Variants in NALF1 observed in about 807,000 individuals in gnomAD.
NALF1 encodes NALCN channel auxiliary factor 1.
A neutral mutation model predicts 48.4 loss-of-function variants in NALF1; 3 were observed. That is an observed-to-expected ratio of 0.06 (90% confidence interval 0.03 to 0.16). NALF1 has a LOEUF of 0.16. NALF1 is among the 10% of genes least tolerant of loss of function. The probability of loss-of-function intolerance (pLI) is 1.00; values close to 1 mark genes in which losing one functional copy is unlikely to be tolerated. For synonymous variants in NALF1, 262 were observed against 245.7 expected (o/e 1.07, Z -0.62); for missense variants, 526 against 571.5 (o/e 0.92, Z 0.81).
In NALF1 at chr13:107,515,517, CA is replaced by C. The variant is rs1320947381; in HGVS notation, c.916-304763del. ...CTTAGCTAACCAGAGACCTGCCCCACATTACATAGTTTCATGAGGAATAAAC... is the reference window on the plus strand; with the variant it reads ...CTTAGCTAACCAGAGACCTGCCCCACTTACATAGTTTCATGAGGAATAAAC... On this transcript the variant is annotated intron_variant, in intron 1 of 2. Transcript: ENST00000375915. Among the ~76,000 whole-genome samples, 14 of 152,322 alleles carry C rather than the reference CA, an allele frequency of 9.2e-5. No individual in the cohort carries two copies. The South Asian group carries it at 2.9e-3, about 32-fold the overall frequency.
intron 1 of NALF1, among the ~76,000 whole-genome samples, chr13:107,337,530 A>G (rs1333195739): frequency 2.0e-5 from 3 of 152,136 alleles, no homozygotes; most frequent in African/African-American, 7.2e-5. Flanking sequence ...ATGCTGATAA[A>G]TAAGAAGAGA....
intron 1 of NALF1, among the ~76,000 whole-genome samples, chr13:107,346,824 T>C (rs1021928366): frequency 2.0e-5 from 3 of 152,218 alleles, no homozygotes; most frequent in Non-Finnish European, 4.4e-5. Context: ...ATGAGGACAA[T>C]CTAAATTATT....
chr13:107,503,768 T>C (rs966234398), intron 1 of NALF1, among the ~76,000 whole-genome samples: 1 of 151,132 alleles, frequency 6.6e-6, no homozygotes. Flanking sequence ...TGTGTGTGTG[T>C]GTGTGTGTGT....
chr13:107,590,414 C>G (rs969268187), intron 1 of NALF1, among the ~76,000 whole-genome samples: 3 of 151,928 alleles, frequency 2.0e-5, no homozygotes, highest in African/African-American at 7.2e-5. Flanking sequence ...ATGTGCTCAA[C>G]AAGTTTGTCC....
chr13:107,767,899 A>G (rs1274423106), intron 1 of NALF1, among the ~76,000 whole-genome samples: 1 of 152,182 alleles, frequency 6.6e-6, no homozygotes, highest in African/African-American at 2.4e-5. Flanking sequence ...AGACACAATT[A>G]AAGAGTGGGG....
At chr13:107,370,276 T>C (rs1226930996) in intron 1 of NALF1, among the ~76,000 whole-genome samples, 1 of 152,232 alleles carries the variant, frequency 6.6e-6, no homozygotes, top group Non-Finnish European at 1.5e-5. Context: ...GAATCAGCAC[T>C]AGCTGTGAGG....
At chr13:107,429,154 T>C (rs563077538) in intron 1 of NALF1, among the ~76,000 whole-genome samples, 1 of 151,938 alleles carries the variant, frequency 6.6e-6, no homozygotes, top group South Asian at 2.1e-4. Flanking sequence ...GAAACCCCCC[T>C]CTCTACTGAA....
At chr13:107,678,842 G>T (rs922115139) in intron 1 of NALF1, among the ~76,000 whole-genome samples, 1 of 152,176 alleles carries the variant, frequency 6.6e-6, no homozygotes, top group Non-Finnish European at 1.5e-5. Flanking sequence ...CCATGATTCA[G>T]TTACCTCCAC....
chr13:107,601,794 T>TACA (rs559667676), intron 1 of NALF1, among the ~76,000 whole-genome samples: 3 of 151,880 alleles, frequency 2.0e-5, no homozygotes, highest in Non-Finnish European at 4.4e-5. Context: ...AAGGTGGAAA[T>TACA]AGAGTATGTT....
chr13:107,538,351 C>T (rs943134584), intron 1 of NALF1, among the ~76,000 whole-genome samples: 5 of 152,160 alleles, frequency 3.3e-5, no homozygotes, highest in East Asian at 1.9e-4. Context: ...TTTTGAATCC[C>T]CCCTTACCCA....
At chr13:107,382,817 G>C (rs1212506377) in intron 1 of NALF1, among the ~76,000 whole-genome samples, 1 of 152,168 alleles carries the variant, frequency 6.6e-6, no homozygotes. Flanking sequence ...TTTTCCCCCT[G>C]AACTCTTTTG....
Position 107,325,883 on chromosome 13 carries a change from T to C in NALF1, c.916-115128A>G, listed in dbSNP as rs1361644443. Among the ~76,000 whole-genome samples the C allele has an allele frequency of 1.2e-3, 110 of 94,898 alleles. 5 individuals are homozygous for C. Among genetic ancestry groups the C allele is most frequent in the South Asian group, 6.3e-3 (15 of 2,366 alleles). 62.3% of individuals were successfully genotyped at this position (94,898 alleles called of 152,430 possible). A position where few individuals can be genotyped will look rare whatever the true frequency, so the allele number is the denominator to read the frequency against. On this transcript the variant is annotated intron_variant, in intron 1 of 2. Coordinates refer to ENST00000375915, the MANE Select transcript of NALF1 (RefSeq NM_001080396.3). Reference sequence around the variant, plus strand: ...ATATATATATATATATATATATATATATATACACACACACACACACACACA... The same window carrying C: ...ATATATATATATATATATATATATACATATACACACACACACACACACACA...
chr13:107,720,892 C>T (rs184875517), intron 1 of NALF1, among the ~76,000 whole-genome samples: 92 of 152,216 alleles, frequency 6.0e-4, no homozygotes, highest in Admixed American at 5.5e-3. Context: ...TCCATGCTGG[C>T]AGGATGATCC....
chr13:107,651,028 G>T (rs1206091970), intron 1 of NALF1, among the ~76,000 whole-genome samples: 2 of 152,100 alleles, frequency 1.3e-5, no homozygotes, highest in Non-Finnish European at 2.9e-5. Context: ...CCTGTGACAT[G>T]TGTTTACCTA....
At chr13:107,591,336 C>T (rs1878597818) in intron 1 of NALF1, among the ~76,000 whole-genome samples, 1 of 151,938 alleles carries the variant, frequency 6.6e-6, no homozygotes, top group South Asian at 2.1e-4. Context: ...GTATTCTGCA[C>T]ATAATAGGCT....
intron 1 of NALF1, among the ~76,000 whole-genome samples, chr13:107,260,990 C>T (rs967332418): frequency 5.9e-5 from 9 of 152,272 alleles, no homozygotes; most frequent in East Asian, 1.9e-4. Flanking sequence ...GTTATCTCCA[C>T]GGGCTTATTG....
At chr13:107,291,490 CA>C (rs66746220) in intron 1 of NALF1, among the ~76,000 whole-genome samples, 101,799 of 144,900 alleles carry the variant, frequency 0.7, 35,489 homozygotes, top group Middle Eastern at 0.8. Flanking sequence ...AAGGTGTATA[CA>C]AAAAAAAAAA....
At chr13:107,252,244 A>G (rs1437964321) in intron 1 of NALF1, among the ~76,000 whole-genome samples, 1 of 152,108 alleles carries the variant, frequency 6.6e-6, no homozygotes, top group African/African-American at 2.4e-5. Context: ...AGAGGCCTCA[A>G]TTCCTATGAG....
intron 1 of NALF1, among the ~76,000 whole-genome samples, chr13:107,806,350 A>T (rs1878788651): frequency 6.6e-6 from 1 of 152,198 alleles, no homozygotes; most frequent in Non-Finnish European, 1.5e-5. Flanking sequence ...CGGAAATGTT[A>T]AAACATTCTA....
Sources: gnomAD v4.1 joint callset for allele counts (sites outside exome capture counted in the v4.1 genomes callset) on GRCh38, gnomAD v4.1.1 for gene constraint, MANE v1.5 for transcripts, NCBI Gene and HGNC (gene_info 2026-07-23, HGNC 2026-07-21) for gene names.